Variants in KCTD8 observed in about 807,000 individuals in gnomAD.
KCTD8 encodes the protein BTB/POZ domain-containing protein KCTD8.
A neutral mutation model predicts 31.5 loss-of-function variants in KCTD8; 27 were observed. That is an observed-to-expected ratio of 0.86 (90% CI 0.63 to 1.18). The LOEUF (loss-of-function observed/expected upper bound fraction) is 1.18. Ranked by LOEUF, KCTD8 falls within the 50% of genes most tolerant of loss-of-function variation. The pLI, the probability that KCTD8 is intolerant of heterozygous loss-of-function variation, is 0.00. For missense variants in KCTD8, 658 were observed against 647.7 expected (o/e 1.02, Z -0.17); for synonymous variants, 290 against 280.0 (o/e 1.04, Z -0.36).
At chr4:44,439,898 ATTTTTATT>A (rs200202402) in intron 1 of KCTD8, among the ~76,000 whole-genome samples, 4,279 of 97,584 alleles carry the variant, frequency 0.044, 178 homozygotes, top group African/African-American at 0.11. Context: ...CCAATCATTT[ATTTTTATT>A]TATTTATTTA....
intron 1 of KCTD8, among the ~76,000 whole-genome samples, chr4:44,377,291 T>C (rs1360738838): frequency 6.6e-6 from 1 of 152,136 alleles, no homozygotes; most frequent in Non-Finnish European, 1.5e-5. Context: ...TCACACATGT[T>C]TGGACACTGC....
At chr4:44,248,061 TG>T in intron 1 of KCTD8, among the ~76,000 whole-genome samples, 1 of 152,072 alleles carries the variant, frequency 6.6e-6, no homozygotes, top group Middle Eastern at 3.4e-3. Flanking sequence ...GGTCTTGCCC[TG>T]TTCAAATCTA....
At chr4:44,399,281 T>C (rs76761338) in intron 1 of KCTD8, among the ~76,000 whole-genome samples, 2 of 151,986 alleles carry the variant, frequency 1.3e-5, no homozygotes, top group African/African-American at 2.4e-5. Context: ...AAGTAACTGA[T>C]TAGTGAAAGA....
chr4:44,265,957 G>A (rs992644227), intron 1 of KCTD8, among the ~76,000 whole-genome samples: 6 of 152,176 alleles, frequency 3.9e-5, no homozygotes, highest in Non-Finnish European at 5.9e-5. Context: ...GAACCAAGTT[G>A]GAAAACACTC....
At chr4:44,346,057 C>T (rs1719029463) in intron 1 of KCTD8, among the ~76,000 whole-genome samples, 1 of 152,082 alleles carries the variant, frequency 6.6e-6, no homozygotes, top group Non-Finnish European at 1.5e-5. Context: ...TAACAAGTTG[C>T]TACCTTCTTA....
At chr4:44,205,660 T>A (rs958872702) in intron 1 of KCTD8, among the ~76,000 whole-genome samples, 1 of 152,222 alleles carries the variant, frequency 6.6e-6, no homozygotes, top group Non-Finnish European at 1.5e-5. Flanking sequence ...ACTGTAGTGT[T>A]AAGGAGAAGT....
intron 1 of KCTD8, among the ~76,000 whole-genome samples, chr4:44,385,995 C>T (rs1378365941): frequency 6.6e-6 from 1 of 151,148 alleles, no homozygotes; most frequent in Non-Finnish European, 1.5e-5. Context: ...ATCAAAATGC[C>T]AATGAGGTAC....
chr4:44,207,678 A>C (rs1417242700), intron 1 of KCTD8, among the ~76,000 whole-genome samples: 3 of 152,224 alleles, frequency 2.0e-5, no homozygotes, highest in African/African-American at 4.8e-5. Flanking sequence ...TATTTAAACA[A>C]ACATGTATCT....
At chr4:44,398,687 T>G (rs1720571557) in intron 1 of KCTD8, among the ~76,000 whole-genome samples, 1 of 152,106 alleles carries the variant, frequency 6.6e-6, no homozygotes, top group African/African-American at 2.4e-5. Context: ...CTGATTTCAC[T>G]GGGGAGCAAA....
chr4:44,197,325 C>T (rs181671787), intron 1 of KCTD8, among the ~76,000 whole-genome samples: 81 of 152,198 alleles, frequency 5.3e-4, no homozygotes, highest in African/African-American at 1.9e-3. Context: ...TGGCCCCTGC[C>T]TGAGGGAGCC....
At chr4:44,419,539 A>G (rs1421265316) in intron 1 of KCTD8, among the ~76,000 whole-genome samples, 1 of 152,198 alleles carries the variant, frequency 6.6e-6, no homozygotes, top group Non-Finnish European at 1.5e-5. Flanking sequence ...GGATGAGTTC[A>G]TGTCCTTTGA....
At chr4:44,338,266 A>AT in intron 1 of KCTD8, among the ~76,000 whole-genome samples, 1 of 152,278 alleles carries the variant, frequency 6.6e-6, no homozygotes, top group East Asian at 1.9e-4. Flanking sequence ...CATAAAAGTT[A>AT]TTTTTCAAAT....
At chr4:44,197,854 A>G (rs917395153) in intron 1 of KCTD8, among the ~76,000 whole-genome samples, 1 of 152,226 alleles carries the variant, frequency 6.6e-6, no homozygotes, top group Non-Finnish European at 1.5e-5. Flanking sequence ...CAGAATCTGG[A>G]TGTCAAGGAA....
intron 1 of KCTD8, among the ~76,000 whole-genome samples, chr4:44,427,190 A>G (rs1721370084): frequency 6.6e-6 from 1 of 151,528 alleles, no homozygotes; most frequent in Non-Finnish European, 1.5e-5. Context: ...CCAAATACCT[A>G]AAGTAAACAT....
chr4:44,285,965 T>A (rs1717056351), intron 1 of KCTD8, among the ~76,000 whole-genome samples: 1 of 152,094 alleles, frequency 6.6e-6, no homozygotes, highest in South Asian at 2.1e-4. Flanking sequence ...TAAATAAATT[T>A]AAATAGATTA....
chr4:44,318,937 A>G (rs1718215527), intron 1 of KCTD8, among the ~76,000 whole-genome samples: 1 of 152,264 alleles, frequency 6.6e-6, no homozygotes, highest in Non-Finnish European at 1.5e-5. Context: ...AGAAAAGAAT[A>G]GAATCCTGGC....
chr4:44,254,174 G>A (rs1195879746), intron 1 of KCTD8, among the ~76,000 whole-genome samples: 1 of 151,872 alleles, frequency 6.6e-6, no homozygotes, highest in Non-Finnish European at 1.5e-5. Flanking sequence ...TGTGTTCAGA[G>A]AGAGATTAGT....
At chr4:44,220,649 A>C (rs1414277356) in intron 1 of KCTD8, among the ~76,000 whole-genome samples, 1 of 152,160 alleles carries the variant, frequency 6.6e-6, no homozygotes, top group Non-Finnish European at 1.5e-5. Flanking sequence ...CTTAGTATTG[A>C]ACAGAGACAA....
At chr4:44,441,739 C>A (rs1472270571) in intron 1 of KCTD8, among the ~76,000 whole-genome samples, 1 of 152,050 alleles carries the variant, frequency 6.6e-6, no homozygotes, top group Non-Finnish European at 1.5e-5. Flanking sequence ...ATGTCAAGCT[C>A]AAGGAATGTT....
Sources: allele counts gnomAD v4.1 joint callset (sites outside exome capture counted in the v4.1 genomes callset), GRCh38; gene constraint gnomAD v4.1.1; transcripts MANE v1.5; gene names NCBI Gene and HGNC (gene_info 2026-07-23, HGNC 2026-07-21).